Variants in COL5A1 observed in about 807,000 individuals in gnomAD.
The protein encoded by COL5A1 is collagen type V alpha 1 chain.
COL5A1 carries 16 observed loss-of-function variants against 263.7 expected under a neutral mutation model. The observed-to-expected ratio is 0.06, with a 90% CI of 0.04 to 0.09. The LOEUF is 0.09. COL5A1 is among the 10% of genes least tolerant of loss of function. COL5A1 has a pLI of 1.00. For missense variants in COL5A1, 2,036 were observed against 2,540.5 expected (o/e 0.80, Z 4.27); for synonymous variants, 1,012 against 1,004.5 (o/e 1.01, Z -0.14).
At chr9:134,760,438 CACACATGCAT>C (rs1836330446) in intron 18 of COL5A1, among the ~76,000 whole-genome samples, 2 of 121,430 alleles carry the variant, frequency 1.6e-5, no homozygotes, top group Non-Finnish European at 3.3e-5. Context: ...CACACATGCA[CACACATGCAT>C]ACACACCCAC....
At chr9:134,759,591 C>T (rs577159684) in intron 18 of COL5A1, among the ~76,000 whole-genome samples, 6 of 127,894 alleles carry the variant, frequency 4.7e-5, no homozygotes, top group Non-Finnish European at 9.5e-5. Context: ...CCCACACATG[C>T]ATACACCCCC....
chr9:134,687,558 A>G (rs1833124295), intron 1 of COL5A1, among the ~76,000 whole-genome samples: 1 of 152,198 alleles, frequency 6.6e-6, no homozygotes, highest in African/African-American at 2.4e-5. Flanking sequence ...CCATGGAATC[A>G]ACAAAGTTTT....
chr9:134,774,624 C>T (rs144584981), intron 26 of COL5A1, among the ~76,000 whole-genome samples: 50 of 152,332 alleles, frequency 3.3e-4, no homozygotes, highest in Non-Finnish European at 5.4e-4. Flanking sequence ...GTGGGGCCAG[C>T]GTTTGCTTCA....
chr9:134,743,549 G>C (rs948208584), intron 11 of COL5A1, among the ~76,000 whole-genome samples: 1 of 152,196 alleles, frequency 6.6e-6, no homozygotes, highest in Admixed American at 6.5e-5. Flanking sequence ...TTCTTTCCCA[G>C]CCGCCTCAGG....
chr9:134,706,475 T>C (rs111534451), intron 4 of COL5A1, among the ~76,000 whole-genome samples: 1 of 152,078 alleles, frequency 6.6e-6, no homozygotes, highest in African/African-American at 2.4e-5. Flanking sequence ...GTGAGTTATC[T>C]TCACAGGCAA....
intron 1 of COL5A1, among the ~76,000 whole-genome samples, chr9:134,689,455 A>C (rs757297620): frequency 6.6e-6 from 1 of 152,158 alleles, no homozygotes; most frequent in Non-Finnish European, 1.5e-5. Flanking sequence ...TCCAATTGGC[A>C]TTAGCATAAA....
chr9:134,823,448 C>A lies in COL5A1; in HGVS notation c.4677C>A (p.His1559Gln). 1 of 1,614,178 alleles carries A rather than the reference C, an allele frequency of 6.2e-7. No individual in the cohort carries two copies. The highest frequency in any genetic ancestry group is 8.5e-7 in the Non-Finnish European group (1 of 1,180,000). Residue 1559 changes from histidine (H) to glutamine (Q), a missense_variant, in exon 61 of 66, where the codon CAC becomes CAA. Around this residue, in one of 3 missense-constraint regions of COL5A1, gnomAD observed 358 missense variants for 384.6 expected, o/e 0.93. Transcript: ENST00000371817. ...CTGGCCCGAAGGGTGAGGCAGGCCA[C>A]CCAGGACCCCCAGGCCCCCCGGTAA... is the stretch of plus-strand genomic sequence containing the variant. ...GPTGPKGEAG[H>Q]PGPPGPPGPP... is the part of the protein sequence containing the mutation.
chr9:134,712,817 G>A (rs1834113004), intron 4 of COL5A1, among the ~76,000 whole-genome samples: 1 of 151,796 alleles, frequency 6.6e-6, no homozygotes, highest in Admixed American at 6.6e-5. Flanking sequence ...GCCCCACCCT[G>A]TTCTCTGCTG....
intron 1 of COL5A1, among the ~76,000 whole-genome samples, chr9:134,675,179 G>A (rs1336514780): frequency 6.6e-6 from 1 of 152,134 alleles, no homozygotes; most frequent in Admixed American, 6.5e-5. Flanking sequence ...TGAGCGTTTT[G>A]ATTAAGCATT....
chr9:134,733,432 GC>G (rs945722984), intron 9 of COL5A1, among the ~76,000 whole-genome samples: 6 of 152,156 alleles, frequency 3.9e-5, no homozygotes, highest in Non-Finnish European at 7.4e-5. Flanking sequence ...CTTGCTCCAG[GC>G]CCAACCCAGG....
chr9:134,829,862 G>C, intron 63 of COL5A1, 114 bp from the exon 64 acceptor site: 1 of 1,169,734 alleles, frequency 8.5e-7, no homozygotes. Flanking sequence ...AGCCCCCCCG[G>C]CGTGAGGATG....
At chr9:134,685,029 T>G (rs1832970398) in intron 1 of COL5A1, among the ~76,000 whole-genome samples, 1 of 146,626 alleles carries the variant, frequency 6.8e-6, no homozygotes, top group Non-Finnish European at 1.5e-5. Context: ...CATCCATCCA[T>G]CCATTCATCC....
intron 18 of COL5A1, among the ~76,000 whole-genome samples, chr9:134,759,832 C>CG (rs1284389160): frequency 1.2e-5 from 1 of 86,090 alleles, no homozygotes; most frequent in Non-Finnish European, 2.2e-5. Flanking sequence ...ACCCACACCC[C>CG]CCCACTCACG....
rs1189020746 is a variant in COL5A1, at chr9:134,818,034, G to A, written c.4230+203G>A. 6.6e-6 allele frequency among the ~76,000 whole-genome samples: 1 copy of A among 152,212 alleles called. No homozygotes were observed. The highest frequency in any genetic ancestry group is 2.4e-5 in the African/African-American group (1 of 41,454). On this transcript the variant is annotated intron_variant, in intron 54 of 65. Coordinates refer to ENST00000371817, the MANE Select transcript of COL5A1 (RefSeq NM_000093.5). This position sits in a 1 kb window ranked among gnomAD's most constrained non-coding sequence, Gnocchi z 6.0. Reference sequence around the variant, plus strand: ...GCCAAGTGGTGGCCACAAGACTGGGGCCGTCTGCCTTGCCCACCTGAGGGA... The same window carrying A: ...GCCAAGTGGTGGCCACAAGACTGGGACCGTCTGCCTTGCCCACCTGAGGGA...
intron 39 of COL5A1, among the ~76,000 whole-genome samples, chr9:134,804,377 T>C (rs1171411763): frequency 2.0e-5 from 3 of 152,158 alleles, no homozygotes; most frequent in African/African-American, 7.2e-5. Context: ...TGACTTTTTT[T>C]CAGAAAATGT....
Position 134,823,309 on chromosome 9 carries a change from G to A in COL5A1, c.4645-107G>A, listed in dbSNP as rs537450667. The A allele has an allele frequency of 1.8e-3, 2,350 of 1,283,792 alleles. 5 individuals carry two copies. The highest frequency in any genetic ancestry group is 2.4e-3 in the Non-Finnish European group (2,094 of 878,606). 79.5% of individuals were successfully genotyped at this position (1,283,792 alleles called of 1,614,324 possible). A position where few individuals can be genotyped will look rare whatever the true frequency, so the allele number is the denominator to read the frequency against. ...TCTCTTCTCTGCTGTGGCTGATAGG[G>A]CCACCTCCCCCACATAGGTCTCCAG... On this transcript the variant is annotated intron_variant, in intron 60 of 65. Transcript: ENST00000371817.
intron 28 of COL5A1, among the ~76,000 whole-genome samples, chr9:134,780,540 G>A (rs1185381206): frequency 6.6e-6 from 1 of 152,212 alleles, no homozygotes; most frequent in African/African-American, 2.4e-5. Context: ...CCACTTAGTT[G>A]TTAGATGTTC....
chr9:134,790,249 C>T (rs962767466), intron 32 of COL5A1, among the ~76,000 whole-genome samples: 17 of 152,194 alleles, frequency 1.1e-4, no homozygotes, highest in African/African-American at 3.9e-4. Flanking sequence ...GCAGCACAGA[C>T]CCAAGGAGAC....
At chr9:134,706,324 G>A (rs1833837092) in intron 4 of COL5A1, among the ~76,000 whole-genome samples, 1 of 152,210 alleles carries the variant, frequency 6.6e-6, no homozygotes, top group Admixed American at 6.5e-5. Flanking sequence ...TGCAGGAAGG[G>A]GAAGGCAGAG....
Sources: allele counts gnomAD v4.1 joint callset (sites outside exome capture counted in the v4.1 genomes callset), GRCh38; gene constraint gnomAD v4.1.1; regional missense constraint gnomAD v4.1.1; non-coding constraint Gnocchi (gnomAD v3.1); transcripts MANE v1.5; gene names NCBI Gene and HGNC (gene_info 2026-07-23, HGNC 2026-07-21).